The following HPSE2 variants were observed in gnomAD, a reference collection of about 807,000 sequenced individuals.
HPSE2 encodes heparanase 2 (inactive).
In HPSE2, 38 loss-of-function variants were observed where a neutral mutation model predicts 60.5. The observed-to-expected ratio is 0.63, with a 90% CI of 0.48 to 0.82. The LOEUF is 0.82. Among genes scored for constraint, HPSE2 ranks in the 40% least tolerant of loss-of-function variants. HPSE2 has a pLI of 0.00. For missense variants in HPSE2, 713 were observed against 740.4 expected, an observed-to-expected ratio of 0.96 and a Z score of 0.43; for synonymous variants, 295 against 293.2, an observed-to-expected ratio of 1.01 and a Z score of -0.06.
intron 9 of HPSE2, among the ~76,000 whole-genome samples, chr10:98,558,683 C>T (rs375440947): frequency 1.4e-4 from 22 of 152,244 alleles, no homozygotes; most frequent in African/African-American, 4.1e-4. Flanking sequence ...GAACTGAATA[C>T]GTGGGCATTT....
In HPSE2 at chr10:98,767,635, TTTA is replaced by T. The variant is rs1950150454; in HGVS notation, c.611-23582_611-23580del. Among the ~76,000 whole-genome samples, 4 of 146,324 alleles carry T rather than the reference TTTA, an allele frequency of 2.7e-5. No homozygotes were observed. In the Admixed American group the frequency reaches 2.7e-4, roughly 10 times the overall value. On this transcript the variant is annotated intron_variant, in intron 3 of 11. Transcript: ENST00000370552. ...GTATAGTATATGTTAATATGTAATA[TTTA>T]TTAATATTTATTTTAAATATATTAT... is the stretch of plus-strand genomic sequence containing the variant.
intron 3 of HPSE2, among the ~76,000 whole-genome samples, chr10:99,104,699 T>G (rs1051993562): frequency 2.0e-5 from 3 of 152,124 alleles, no homozygotes; most frequent in African/African-American, 7.2e-5. Context: ...TAAGAAAATA[T>G]GGCACATATA....
At chr10:99,104,741 G>A (rs753811541) in intron 3 of HPSE2, among the ~76,000 whole-genome samples, 2 of 152,058 alleles carry the variant, frequency 1.3e-5, no homozygotes, top group Non-Finnish European at 2.9e-5. Context: ...CATAAAAAAG[G>A]ATGAGTTCAT....
At chr10:98,993,885 T>C (rs1956584310) in intron 3 of HPSE2, among the ~76,000 whole-genome samples, 2 of 152,208 alleles carry the variant, frequency 1.3e-5, no homozygotes, top group South Asian at 4.1e-4. Context: ...GTGTCCTAGA[T>C]AGAAGGGCAC....
chr10:99,283,395 T>C, the HPSE2 span, among the ~76,000 whole-genome samples: 3 of 149,966 alleles, frequency 2.0e-5, no homozygotes, highest in Non-Finnish European at 4.4e-5. Context: ...TCTCAGCTGC[T>C]TGGGAGGCTG....
intron 7 of HPSE2, among the ~76,000 whole-genome samples, chr10:98,633,555 A>G (rs1443642788): frequency 6.6e-6 from 1 of 152,134 alleles, no homozygotes; most frequent in Non-Finnish European, 1.5e-5. Context: ...AGCTTACTTT[A>G]TTATAAAAAT....
At chr10:99,103,791 G>A (rs931724822) in intron 3 of HPSE2, among the ~76,000 whole-genome samples, 5 of 152,084 alleles carry the variant, frequency 3.3e-5, no homozygotes, top group Non-Finnish European at 5.9e-5. Flanking sequence ...CAGAGATATA[G>A]ACCAATGGAA....
At chr10:98,698,318 A>AATTTG (rs1247747569) in intron 5 of HPSE2, among the ~76,000 whole-genome samples, 7 of 151,800 alleles carry the variant, frequency 4.6e-5, no homozygotes, top group African/African-American at 1.5e-4. Context: ...ATCAAACTAG[A>AATTTG]ACTCAGGATT....
chr10:98,998,770 T>C (rs1172651038), intron 3 of HPSE2, among the ~76,000 whole-genome samples: 1 of 152,122 alleles, frequency 6.6e-6, no homozygotes, highest in Non-Finnish European at 1.5e-5. Flanking sequence ...GTACCCAGAG[T>C]TCTGTACTAA....
intron 6 of HPSE2, among the ~76,000 whole-genome samples, chr10:98,671,304 G>A (rs964703589): frequency 6.6e-6 from 1 of 152,126 alleles, no homozygotes; most frequent in South Asian, 2.1e-4. Flanking sequence ...CTTCTTGCTT[G>A]GAGTTAGAGA....
At chr10:99,179,879 A>G (rs1291840933) in intron 2 of HPSE2, among the ~76,000 whole-genome samples, 1 of 152,230 alleles carries the variant, frequency 6.6e-6, no homozygotes, top group African/African-American at 2.4e-5. Context: ...AGCCACAGTA[A>G]CCAAAACAGC....
chr10:98,740,012 G>T (rs1949456235), intron 4 of HPSE2, among the ~76,000 whole-genome samples: 2 of 151,892 alleles, frequency 1.3e-5, no homozygotes, highest in Non-Finnish European at 2.9e-5. Flanking sequence ...TTCACCAATG[G>T]TTAATATAAA....
chr10:98,522,293 G>T (rs1942821019), intron 9 of HPSE2, among the ~76,000 whole-genome samples: 1 of 151,128 alleles, frequency 6.6e-6, no homozygotes, highest in South Asian at 2.1e-4. Context: ...TTAAAAAAAA[G>T]AAAGAATCAG....
intron 3 of HPSE2, among the ~76,000 whole-genome samples, chr10:98,918,041 A>G (rs1405341857): frequency 6.6e-6 from 1 of 152,220 alleles, no homozygotes; most frequent in Admixed American, 6.5e-5. Flanking sequence ...TTCTGTACAC[A>G]TATGTTATAC....
At chr10:99,246,543 T>A in the HPSE2 span, among the ~76,000 whole-genome samples, 1 of 152,170 alleles carries the variant, frequency 6.6e-6, no homozygotes, top group Non-Finnish European at 1.5e-5. Context: ...GGTCAGGAGA[T>A]CGAGACCATC....
intron 3 of HPSE2, among the ~76,000 whole-genome samples, chr10:98,913,433 A>T (rs772602410): frequency 4.6e-5 from 7 of 152,230 alleles, no homozygotes; most frequent in Admixed American, 6.5e-5. Flanking sequence ...CTATTTTCTT[A>T]TAGTGAAGTA....
chr10:99,236,497 T>C (rs1849859543), upstream of HPSE2, among the ~76,000 whole-genome samples: 1 of 151,808 alleles, frequency 6.6e-6, no homozygotes, highest in African/African-American at 2.4e-5. Flanking sequence ...CCAAGGGCGG[T>C]TAAGTTGCAG....
chr10:98,692,170 A>G (rs1948092451), intron 6 of HPSE2, among the ~76,000 whole-genome samples: 1 of 152,202 alleles, frequency 6.6e-6, no homozygotes. Context: ...GTGAGACTTA[A>G]AAGATGAAAA....
intron 2 of HPSE2, among the ~76,000 whole-genome samples, chr10:99,150,403 C>T (rs1482106092): frequency 6.6e-6 from 1 of 152,088 alleles, no homozygotes; most frequent in Admixed American, 6.6e-5. Context: ...CACCACAGCT[C>T]GAACTCCTAG....
Sources: gnomAD v4.1 joint callset for allele counts (sites outside exome capture counted in the v4.1 genomes callset) on GRCh38, gnomAD v4.1.1 for gene constraint, MANE v1.5 for transcripts, NCBI Gene and HGNC (gene_info 2026-07-23, HGNC 2026-07-21) for gene names.